The following HRH1 variants were observed in gnomAD, a reference collection of about 807,000 sequenced individuals.
The protein encoded by HRH1 is histamine H1 receptor.
A neutral mutation model predicts 10.3 loss-of-function variants in HRH1; 6 were observed. The ratio of observed to expected loss-of-function variants is 0.58; its 90% CI spans 0.32 to 1.15. The LOEUF is 1.15. HRH1 is among the 50% of genes most tolerant of loss of function. The pLI is 0.05. For synonymous variants in HRH1, 242 were observed against 236.7 expected, an observed-to-expected ratio of 1.02 and a Z score of -0.21; for missense variants, 514 against 615.3, an observed-to-expected ratio of 0.84 and a Z score of 1.74.
intron 1 of HRH1, among the ~76,000 whole-genome samples, chr3:11,190,292 G>A (rs1342266331): frequency 6.6e-6 from 1 of 151,978 alleles, no homozygotes; most frequent in East Asian, 1.9e-4. Context: ...CGGGAGGATT[G>A]TTTGAACCCA....
chr3:11,229,590 A>G (rs1264790330), intron 1 of HRH1, among the ~76,000 whole-genome samples: 1 of 152,182 alleles, frequency 6.6e-6, no homozygotes, highest in Non-Finnish European at 1.5e-5. Context: ...GATTACCTCC[A>G]AGAGAGTCTC....
At chr3:11,180,941 T>A (rs1305781677) in intron 1 of HRH1, among the ~76,000 whole-genome samples, 1 of 125,746 alleles carries the variant, frequency 8.0e-6, no homozygotes, top group East Asian at 2.4e-4. Flanking sequence ...TACACTTCTC[T>A]CAGGCATACA....
chr3:11,212,973 G>T (rs1427100779), intron 1 of HRH1, among the ~76,000 whole-genome samples: 1 of 152,138 alleles, frequency 6.6e-6, no homozygotes, highest in Non-Finnish European at 1.5e-5. Flanking sequence ...CTCCTGTGAT[G>T]TTTTTTCCTG....
chr3:11,188,823 G>A (rs1056271210), intron 1 of HRH1, among the ~76,000 whole-genome samples: 5 of 152,224 alleles, frequency 3.3e-5, no homozygotes, highest in African/African-American at 1.2e-4. Flanking sequence ...CAGCCAAAAC[G>A]GCATCATCCT....
intron 1 of HRH1, among the ~76,000 whole-genome samples, chr3:11,189,765 AAAAT>A (rs1006693948): frequency 7.0e-5 from 10 of 142,340 alleles, no homozygotes; most frequent in Admixed American, 5.6e-4. Flanking sequence ...CTCTACTAAA[AAAAT>A]AAATAAATAA....
chr3:11,143,069 C>A (rs1441751187), intron 1 of HRH1, among the ~76,000 whole-genome samples: 6 of 151,918 alleles, frequency 3.9e-5, no homozygotes, highest in Non-Finnish European at 7.4e-5. Context: ...GACAGTGGGC[C>A]CAGGGAACAG....
intron 1 of HRH1, chr3:11,253,119 T>A (rs542182305): frequency 1.3e-5 from 2 of 152,346 alleles, no homozygotes; most frequent in South Asian, 4.1e-4. Context: ...TAAATCCTTC[T>A]CCTTTTACTC....
chr3:11,149,539 T>C (rs922064850), upstream of HRH1, among the ~76,000 whole-genome samples: 1 of 152,192 alleles, frequency 6.6e-6, no homozygotes, highest in African/African-American at 2.4e-5. Flanking sequence ...ACTTGAGGGA[T>C]CAAGATCTCA....
rs1376313246 is a variant in HRH1, at chr3:11,259,466, A to T, written c.429A>T (p.Arg143=). The change falls in exon 2 of 2, where the codon CGA becomes CGT. Residue 143 remains arginine, a synonymous_variant. Transcript: ENST00000431010. The surrounding 1 kb of genome is among the most constrained non-coding windows in gnomAD (Gnocchi z 4.6). Reference sequence around the variant, plus strand: ...ACCTTAAGTATCGTACCAAGACCCGAGCCTCGGCCACCATTCTGGGGGCCT... The same window carrying T: ...ACCTTAAGTATCGTACCAAGACCCGTGCCTCGGCCACCATTCTGGGGGCCT... ...LRYLKYRTKT[R]ASATILGAWF... 1.9e-6 allele frequency: 3 copies of T among 1,613,422 alleles called. No homozygotes were observed. The highest frequency in any genetic ancestry group is 2.5e-6 in the Non-Finnish European group (3 of 1,179,934).
At chr3:11,155,278 C>T (rs1936760779) in intron 1 of HRH1, among the ~76,000 whole-genome samples, 1 of 152,228 alleles carries the variant, frequency 6.6e-6, no homozygotes, top group Non-Finnish European at 1.5e-5. Context: ...GAGGAGGATG[C>T]TTTGGGAAAA....
intron 1 of HRH1, among the ~76,000 whole-genome samples, chr3:11,217,143 G>A (rs1409300391): frequency 6.0e-5 from 9 of 149,020 alleles, no homozygotes; most frequent in African/African-American, 2.2e-4. Flanking sequence ...CCAAGATTGC[G>A]CCACTGCACC....
intron 1 of HRH1, among the ~76,000 whole-genome samples, chr3:11,144,983 C>G (rs920191865): frequency 7.9e-5 from 12 of 152,142 alleles, no homozygotes; most frequent in Non-Finnish European, 1.6e-4. Context: ...TAACGATTTC[C>G]TCTCCTGTCC....
At chr3:11,242,608 A>T (rs1939379996) in intron 1 of HRH1, among the ~76,000 whole-genome samples, 1 of 152,010 alleles carries the variant, frequency 6.6e-6, no homozygotes, top group Non-Finnish European at 1.5e-5. Flanking sequence ...CTACCTCAAG[A>T]TACATTTAGT....
chr3:11,174,181 G>T (rs1574988477), intron 1 of HRH1, among the ~76,000 whole-genome samples: 1 of 152,340 alleles, frequency 6.6e-6, no homozygotes. Flanking sequence ...AACTGTAGTT[G>T]TCTGTTAGTG....
chr3:11,259,479 A>G lies in HRH1; in HGVS notation c.442A>G (p.Ile148Val). ...TACCAAGACCCGAGCCTCGGCCACC[A>G]TTCTGGGGGCCTGGTTTCTCTCTTT... is the stretch of plus-strand genomic sequence containing the variant. Reference protein sequence around the residue: ...YRTKTRASATILGAWFLSFLW... With the variant: ...YRTKTRASATVLGAWFLSFLW... Residue 148 changes from isoleucine (I) to valine (V), a missense_variant, in exon 2 of 2, where the codon ATT becomes GTT. Coordinates refer to ENST00000431010, the MANE Select transcript of HRH1 (RefSeq NM_001098212.2). The surrounding 1 kb of genome is among the most constrained non-coding windows in gnomAD (Gnocchi z 4.6). 1 of 1,613,860 alleles carries G rather than the reference A, an allele frequency of 6.2e-7. No individual in the cohort carries two copies. Among genetic ancestry groups the G allele is most frequent in the Non-Finnish European group, 8.5e-7 (1 of 1,179,968 alleles).
At chr3:11,230,859 A>G (rs1374437149) in intron 1 of HRH1, among the ~76,000 whole-genome samples, 1 of 152,212 alleles carries the variant, frequency 6.6e-6, no homozygotes, top group African/African-American at 2.4e-5. Flanking sequence ...GGAATCCTGC[A>G]TACACTTTAC....
intron 1 of HRH1, among the ~76,000 whole-genome samples, chr3:11,239,125 C>T (rs567822206): frequency 1.3e-4 from 20 of 152,326 alleles, no homozygotes; most frequent in Admixed American, 1.2e-3. Flanking sequence ...GACATTTCCA[C>T]CAGCAGTGTT....
intron 1 of HRH1, among the ~76,000 whole-genome samples, chr3:11,211,985 G>T (rs116003433): frequency 1.2e-3 from 187 of 152,214 alleles, no homozygotes; most frequent in Non-Finnish European, 2.3e-3. Context: ...TTTAACGTAC[G>T]CACTCCCAAG....
At chr3:11,165,132 C>T (rs1485682020) in intron 1 of HRH1, among the ~76,000 whole-genome samples, 2 of 152,170 alleles carry the variant, frequency 1.3e-5, no homozygotes, top group African/African-American at 2.4e-5. Context: ...CTAAGTGACT[C>T]GCATAAGCTC....
Sources: allele counts gnomAD v4.1 joint callset (sites outside exome capture counted in the v4.1 genomes callset), GRCh38; gene constraint gnomAD v4.1.1; non-coding constraint Gnocchi (gnomAD v3.1); transcripts MANE v1.5; gene names NCBI Gene and HGNC (gene_info 2026-07-23, HGNC 2026-07-21).